RDX: variants seen among roughly 807,000 people sequenced by gnomAD.
RDX encodes deafness, autosomal recessive 24.
RDX carries 32 observed loss-of-function variants against 83.7 expected under a neutral mutation model. The ratio of observed to expected loss-of-function variants is 0.38; its 90% CI spans 0.29 to 0.51. The LOEUF (loss-of-function observed/expected upper bound fraction) is 0.51, where lower values mean the gene tolerates loss of function less well. RDX is among the 20% of genes least tolerant of loss of function. The pLI, the probability that RDX is intolerant of heterozygous loss-of-function variation, is 0.87. For missense variants in RDX, 600 were observed against 689.9 expected (o/e 0.87, Z 1.46); for synonymous variants, 229 against 222.7 (o/e 1.03, Z -0.25).
At chr11:110,221,426 C>T (rs1431144848) in intron 14 of RDX, among the ~76,000 whole-genome samples, 1 of 151,938 alleles carries the variant, frequency 6.6e-6, no homozygotes, top group Non-Finnish European at 1.5e-5. Context: ...GGTGAAACCC[C>T]ATCTCTACTA....
chr11:110,254,163 T>G (rs1467044800), intron 8 of RDX, 54 bp from the exon 9 acceptor site: 2 of 1,435,340 alleles, frequency 1.4e-6, no homozygotes, highest in Non-Finnish European at 1.9e-6. Context: ...CTGTCTCTCA[T>G]AACAATCTGT....
At chr11:110,281,465 T>A (rs900061517) in intron 1 of RDX, among the ~76,000 whole-genome samples, 5 of 152,066 alleles carry the variant, frequency 3.3e-5, no homozygotes, top group Non-Finnish European at 7.4e-5. Flanking sequence ...TAGCTGGAAT[T>A]ACAAGCGTCC....
At chr11:110,264,369 G>C in intron 4 of RDX, 135 bp from the exon 5 acceptor site, 1 of 650,102 alleles carries the variant, frequency 1.5e-6, no homozygotes, top group Non-Finnish European at 2.6e-6. Context: ...GTGTGTAATA[G>C]TCTAAATCTG....
Position 110,279,688 on chromosome 11 carries a change from G to A in RDX, c.5C>T (p.Pro2Leu), listed in dbSNP as rs763518071. 3.3e-6 allele frequency: 5 copies of A among 1,524,332 alleles called. No homozygotes were observed. In the Admixed American group the frequency reaches 5.0e-5, roughly 15 times the overall value. 94.4% of individuals were successfully genotyped at this position (1,524,332 alleles called of 1,614,324 possible). The change falls in exon 2 of 14, where the codon CCG becomes CTG. Residue 2 changes from proline (P) to leucine (L), a missense_variant. Transcript: ENST00000645495. MPKPINVRVTTM... is the reference protein window; with the variant it reads MLKPINVRVTTM... ...GTAATAAAATACACTTACTGGTTTC[G>A]GCATTTTCTTTCTCTTTTTGTTACC... is the stretch of plus-strand genomic sequence containing the variant.
intron 9 of RDX, among the ~76,000 whole-genome samples, chr11:110,252,191 A>G (rs1017824663): frequency 3.3e-5 from 5 of 152,192 alleles, no homozygotes; most frequent in Non-Finnish European, 5.9e-5. Flanking sequence ...CAGTCAATAA[A>G]TGCTTACTAA....
chr11:110,183,618 C>T (rs1862930487), intron 15 of RDX, among the ~76,000 whole-genome samples: 1 of 152,202 alleles, frequency 6.6e-6, no homozygotes, highest in South Asian at 2.1e-4. Flanking sequence ...GCCACTGCAC[C>T]CAGACTATCT....
intron 2 of RDX, 143 bp from the exon 3 acceptor site, chr11:110,272,762 A>G: frequency 3.0e-6 from 2 of 667,124 alleles, no homozygotes; most frequent in Non-Finnish European, 5.2e-6. Context: ...AAGAGCTTAT[A>G]AAGTCCTCAT....
At chr11:110,240,057 G>A (rs1865021573) in intron 10 of RDX, among the ~76,000 whole-genome samples, 1 of 151,844 alleles carries the variant, frequency 6.6e-6, no homozygotes, top group Admixed American at 6.6e-5. Flanking sequence ...GCAATATCCA[G>A]CAATATCCAA....
At chr11:110,275,954 T>G (rs1406763104) in intron 2 of RDX, among the ~76,000 whole-genome samples, 2 of 151,964 alleles carry the variant, frequency 1.3e-5, no homozygotes, top group Non-Finnish European at 2.9e-5. Flanking sequence ...CTGACTATTT[T>G]TTGTATTTTT....
At chr11:110,184,911 AG>A (rs890800257) in intron 15 of RDX, among the ~76,000 whole-genome samples, 11 of 152,034 alleles carry the variant, frequency 7.2e-5, no homozygotes, top group Non-Finnish European at 2.9e-5. Flanking sequence ...CTGACCTTGG[AG>A]GGGGGGCTAG....
chr11:110,243,673 A>C (rs1865188754), intron 10 of RDX, among the ~76,000 whole-genome samples: 1 of 152,114 alleles, frequency 6.6e-6, no homozygotes, highest in Non-Finnish European at 1.5e-5. Context: ...AACCGCGATC[A>C]TGCCACTGCA....
chr11:110,228,233 G>A (rs867616349), downstream of RDX, among the ~76,000 whole-genome samples: 10 of 151,996 alleles, frequency 6.6e-5, no homozygotes, highest in East Asian at 1.9e-4. Context: ...AGTTACTACC[G>A]TAGACTGTGG....
chr11:110,178,063 AC>A (rs1290823516), intron 15 of RDX, among the ~76,000 whole-genome samples: 1 of 151,536 alleles, frequency 6.6e-6, no homozygotes, highest in Non-Finnish European at 1.5e-5. Flanking sequence ...TGGCCTCTAG[AC>A]CCCTGGCCCG....
intron 14 of RDX, among the ~76,000 whole-genome samples, chr11:110,220,515 TTC>T (rs1318876374): frequency 6.6e-6 from 1 of 152,084 alleles, no homozygotes; most frequent in Non-Finnish European, 1.5e-5. Context: ...TCCCAAAGAT[TTC>T]TCTTATTTTT....
chr11:110,238,769 C>A (rs1449632697), intron 10 of RDX, among the ~76,000 whole-genome samples: 1 of 151,120 alleles, frequency 6.6e-6, no homozygotes, highest in African/African-American at 2.4e-5. Context: ...ACTAAAAATA[C>A]AAAAATTAGC....
chr11:110,179,678 C>A (rs1181788331), intron 15 of RDX, among the ~76,000 whole-genome samples: 4 of 151,870 alleles, frequency 2.6e-5, no homozygotes, highest in African/African-American at 7.3e-5. Context: ...GAAGCCAAGG[C>A]AGGAGAATCA....
intron 1 of RDX, among the ~76,000 whole-genome samples, chr11:110,293,788 C>T (rs1249892336): frequency 1.3e-5 from 2 of 152,204 alleles, no homozygotes; most frequent in African/African-American, 4.8e-5. Context: ...TTATATTTAT[C>T]TACACCTTAC....
chr11:110,211,808 C>T (rs1030548377), intron 14 of RDX, among the ~76,000 whole-genome samples: 4 of 151,632 alleles, frequency 2.6e-5, no homozygotes, highest in Non-Finnish European at 5.9e-5. Context: ...CACAACATAC[C>T]AGAATCTGTG....
chr11:110,294,998 T>C (rs944671232), intron 1 of RDX, among the ~76,000 whole-genome samples: 1 of 152,192 alleles, frequency 6.6e-6, no homozygotes, highest in South Asian at 2.1e-4. Context: ...TTCCATCATA[T>C]ATAAAAAAGC....
Sources: gnomAD v4.1 joint callset for allele counts (sites outside exome capture counted in the v4.1 genomes callset) on GRCh38, gnomAD v4.1.1 for gene constraint, MANE v1.5 for transcripts, NCBI Gene and HGNC (gene_info 2026-07-23, HGNC 2026-07-21) for gene names.